The following CNTNAP2 variants were observed in gnomAD, a reference collection of about 807,000 sequenced individuals.
The protein encoded by CNTNAP2 is contactin associated protein 2.
Under a neutral mutation model 155.2 loss-of-function variants are expected in CNTNAP2, and 98 were observed. The observed-to-expected ratio is 0.63, with a 90% CI of 0.54 to 0.75. CNTNAP2 has a LOEUF of 0.75. Among genes scored for constraint, CNTNAP2 ranks in the 30% least tolerant of loss-of-function variants. CNTNAP2 has a pLI of 0.00. For missense variants in CNTNAP2, 1,727 were observed against 1,688.1 expected, an observed-to-expected ratio of 1.02 and a Z score of -0.40; for synonymous variants, 651 against 631.2, an observed-to-expected ratio of 1.03 and a Z score of -0.47.
chr7:146,554,973 T>C (rs2129143374), intron 1 of CNTNAP2, among the ~76,000 whole-genome samples: 1 of 152,294 alleles, frequency 6.6e-6, no homozygotes, highest in Admixed American at 6.5e-5. Context: ...TTTGTCCCAT[T>C]TTCCAAATAA....
chr7:146,714,319 G>T (rs574291827), intron 1 of CNTNAP2, among the ~76,000 whole-genome samples: 24 of 152,288 alleles, frequency 1.6e-4, no homozygotes, highest in Admixed American at 2.6e-4. Flanking sequence ...CTGTTACCAT[G>T]TGCCTGGAAC....
At chr7:146,330,497 G>C (rs1376085804) in intron 1 of CNTNAP2, among the ~76,000 whole-genome samples, 1 of 152,114 alleles carries the variant, frequency 6.6e-6, no homozygotes, top group Non-Finnish European at 1.5e-5. Flanking sequence ...TATGTCAAGT[G>C]GTGATAAGTG....
chr7:148,116,209 A>G (rs772976018), intron 15 of CNTNAP2, among the ~76,000 whole-genome samples: 15 of 152,170 alleles, frequency 9.9e-5, no homozygotes, highest in Non-Finnish European at 1.8e-4. Context: ...TTTTTACCCT[A>G]ATGAAGATAT....
chr7:147,948,218 A>T (rs986856563), intron 14 of CNTNAP2, among the ~76,000 whole-genome samples: 1 of 123,770 alleles, frequency 8.1e-6, no homozygotes, highest in African/African-American at 3.6e-5. Context: ...AAAAAATAGA[A>T]AGAATGAATA....
intron 1 of CNTNAP2, among the ~76,000 whole-genome samples, chr7:146,240,938 A>G (rs1351346106): frequency 6.6e-6 from 1 of 152,186 alleles, no homozygotes; most frequent in Non-Finnish European, 1.5e-5. Flanking sequence ...GGGAGGCCTC[A>G]GGGAGCTTTT....
intron 1 of CNTNAP2, among the ~76,000 whole-genome samples, chr7:146,595,150 T>C (rs745509653): frequency 2.8e-4 from 43 of 152,194 alleles, no homozygotes; most frequent in Non-Finnish European, 4.6e-4. Flanking sequence ...TCAGATTATA[T>C]AATCACTCTC....
intron 11 of CNTNAP2, among the ~76,000 whole-genome samples, chr7:147,531,932 G>A (rs1247509658): frequency 2.7e-5 from 4 of 150,792 alleles, no homozygotes; most frequent in African/African-American, 9.8e-5. Flanking sequence ...TCAGCCTCCC[G>A]AGTAGCTGGG....
intron 15 of CNTNAP2, among the ~76,000 whole-genome samples, chr7:148,030,129 G>A (rs2373315): frequency 0.32 from 48,995 of 151,948 alleles, 9,563 homozygotes; most frequent in East Asian, 0.77. Flanking sequence ...GTTGCTTTCC[G>A]GCTGCTATAG....
intron 1 of CNTNAP2, among the ~76,000 whole-genome samples, chr7:146,225,413 T>A (rs558149855): frequency 6.6e-6 from 1 of 152,162 alleles, no homozygotes; most frequent in African/African-American, 2.4e-5. Context: ...GTGGCAGATA[T>A]CTTGTCAAAT....
At position 146,979,896 on chromosome 7, in the gene CNTNAP2, G is replaced by A. The variant is rs116300074; in HGVS notation, c.403-64011G>A. 5.6e-3 allele frequency among the ~76,000 whole-genome samples: 855 copies of A among 152,294 alleles called. 7 individuals are homozygous for A. Among genetic ancestry groups the A allele is most frequent in the African/African-American group, 0.02 (811 of 41,566 alleles). ...AAGGTATAATATTTTCACATGTTTTGTTAATATTTAGTTTAACCTAAGTCA... is the reference window on the plus strand; with the variant it reads ...AAGGTATAATATTTTCACATGTTTTATTAATATTTAGTTTAACCTAAGTCA... On this transcript the variant is annotated intron_variant, in intron 3 of 23. Coordinates refer to ENST00000361727, the MANE Select transcript of CNTNAP2 (RefSeq NM_014141.6).
intron 13 of CNTNAP2, among the ~76,000 whole-genome samples, chr7:147,830,743 G>T (rs1400927536): frequency 6.6e-6 from 1 of 152,164 alleles, no homozygotes; most frequent in Admixed American, 6.5e-5. Context: ...GCCATGCTCT[G>T]TACGCATTAC....
intron 8 of CNTNAP2, among the ~76,000 whole-genome samples, chr7:147,265,284 T>C (rs768684216): frequency 6.6e-6 from 1 of 152,196 alleles, no homozygotes; most frequent in Admixed American, 6.5e-5. Flanking sequence ...GCAGCAGCCA[T>C]CACTGTAGCT....
intron 14 of CNTNAP2, among the ~76,000 whole-genome samples, chr7:147,912,634 C>T (rs1800086641): frequency 6.6e-6 from 1 of 152,140 alleles, no homozygotes; most frequent in African/African-American, 2.4e-5. Context: ...AGGCAGGAGC[C>T]CAGCCCCTGA....
intron 1 of CNTNAP2, among the ~76,000 whole-genome samples, chr7:146,163,173 A>G (rs1010852393): frequency 6.6e-6 from 1 of 152,178 alleles, no homozygotes; most frequent in Non-Finnish European, 1.5e-5. Context: ...AAAATTAAAA[A>G]TAAAAATAAC....
At chr7:147,020,151 TATC>T (rs1798794813) in intron 3 of CNTNAP2, among the ~76,000 whole-genome samples, 1 of 152,180 alleles carries the variant, frequency 6.6e-6, no homozygotes. Flanking sequence ...ATTTTGCACA[TATC>T]ATAGATGATC....
At chr7:146,877,508 A>AAT (rs201046534) in intron 3 of CNTNAP2, among the ~76,000 whole-genome samples, 105 of 150,624 alleles carry the variant, frequency 7.0e-4, no homozygotes, top group Admixed American at 2.0e-3. Flanking sequence ...CTGTCTGTAA[A>AAT]ATATATATAT....
intron 12 of CNTNAP2, among the ~76,000 whole-genome samples, chr7:147,629,194 G>A (rs1000011979): frequency 2.0e-5 from 3 of 152,028 alleles, no homozygotes; most frequent in African/African-American, 7.2e-5. Flanking sequence ...CTGAGGTTAG[G>A]AGTTCAAGAA....
chr7:146,620,938 G>C (rs1799306197), intron 1 of CNTNAP2, among the ~76,000 whole-genome samples: 1 of 152,004 alleles, frequency 6.6e-6, no homozygotes, highest in African/African-American at 2.4e-5. Flanking sequence ...TTTAACAATT[G>C]GGAATTATAA....
chr7:146,827,395 C>T (rs945730389), intron 2 of CNTNAP2, among the ~76,000 whole-genome samples: 1 of 151,926 alleles, frequency 6.6e-6, no homozygotes, highest in Non-Finnish European at 1.5e-5. Context: ...ACCTATATCA[C>T]TATTGTATGT....
Sources: allele counts gnomAD v4.1 joint callset (sites outside exome capture counted in the v4.1 genomes callset), GRCh38; gene constraint gnomAD v4.1.1; transcripts MANE v1.5; gene names NCBI Gene and HGNC (gene_info 2026-07-23, HGNC 2026-07-21).